Variants in TTC23L observed in about 807,000 individuals in gnomAD.
TTC23L encodes tetratricopeptide repeat domain 23 like.
A neutral mutation model predicts 48.1 loss-of-function variants in TTC23L; 42 were observed. The observed-to-expected ratio is 0.87, with a 90% confidence interval of 0.68 to 1.13. The LOEUF (loss-of-function observed/expected upper bound fraction) is 1.13. Ranked by LOEUF, TTC23L falls within the 50% of genes most tolerant of loss-of-function variation. The pLI is 0.00. For synonymous variants in TTC23L, 159 were observed against 157.2 expected (o/e 1.01, Z -0.09); for missense variants, 391 against 421.0 (o/e 0.93, Z 0.62).
At chr5:34,920,897 C>G in the TTC23L span, 2 of 151,856 alleles carry the variant, frequency 1.3e-5, no homozygotes, top group South Asian at 4.1e-4. Flanking sequence ...AAAAGTCTCT[C>G]TCTGTTACCC....
chr5:34,894,881 TTAATGATGA>T (rs1364881778), intron 9 of TTC23L, among the ~76,000 whole-genome samples: 5 of 122,336 alleles, frequency 4.1e-5, no homozygotes, highest in South Asian at 2.8e-4. Flanking sequence ...GATGAGAGTG[TTAATGATGA>T]TGATGATGAT....
intron 9 of TTC23L, among the ~76,000 whole-genome samples, chr5:34,886,706 T>C (rs768831331): frequency 3.3e-5 from 5 of 152,212 alleles, no homozygotes; most frequent in Non-Finnish European, 7.3e-5. Context: ...GTGTTATCTT[T>C]TGAAAATTGT....
At chr5:34,840,711 G>A (rs1375208386) in exon 2 of TTC23L, 2 of 1,613,908 alleles carry the variant, frequency 1.2e-6, no homozygotes, top group Non-Finnish European at 1.7e-6. Flanking sequence ...TGTTAGCAAT[G>A]ACATCGACTG....
the TTC23L span, chr5:34,911,737 ACTC>A: frequency 6.2e-7 from 1 of 1,613,992 alleles, no homozygotes; most frequent in Non-Finnish European, 8.5e-7. Flanking sequence ...GACTGTCACC[ACTC>A]CTCCTTCTTC....
intron 2 of TTC23L, 148 bp from the exon 3 acceptor site, chr5:34,845,339 G>T (rs534275737): frequency 2.6e-6 from 2 of 765,636 alleles, no homozygotes; most frequent in Admixed American, 3.0e-5. Context: ...TGAGGGCGAC[G>T]TGAGTTTACT....
chr5:34,903,068 T>C (rs1010872307), downstream of TTC23L, among the ~76,000 whole-genome samples: 5 of 152,122 alleles, frequency 3.3e-5, no homozygotes, highest in Non-Finnish European at 7.3e-5. Context: ...ATCTCCAAAC[T>C]GACAAACCTA....
chr5:34,902,243 G>A (rs1457814415), downstream of TTC23L, among the ~76,000 whole-genome samples: 3 of 151,844 alleles, frequency 2.0e-5, no homozygotes, highest in Non-Finnish European at 4.4e-5. Flanking sequence ...TGGCCAACAC[G>A]GCTCTCTACC....
the TTC23L span, chr5:34,914,887 G>A: frequency 9.5e-5 from 154 of 1,614,076 alleles, no homozygotes; most frequent in East Asian, 2.7e-3. Flanking sequence ...GGGTCAGAAG[G>A]GGCATCGTCC....
At chr5:34,922,956 C>T in the TTC23L span, 1 of 1,344,908 alleles carries the variant, frequency 7.4e-7, no homozygotes, top group South Asian at 1.2e-5. Flanking sequence ...CAGTTTTAAA[C>T]AAGGCAGTCT....
chr5:34,922,605 A>C, the TTC23L span: 1 of 1,601,034 alleles, frequency 6.2e-7, no homozygotes, highest in Non-Finnish European at 8.6e-7. Flanking sequence ...TGACTCAATA[A>C]ATTTTTTTAG....
At position 34,840,659 on chromosome 5, in the gene TTC23L, T is replaced by C. The variant is rs1758571597; in HGVS notation, c.-7-6T>C. The stretch of plus-strand genomic sequence containing the variant: ...CTCAAAGCTGACCTTACCTGATTCT[T>C]GGTAGGAAGAAGATGCAAGCCAGCC... On this transcript the variant is annotated splice_region_variant and splice_polypyrimidine_tract_variant and intron_variant, in intron 1 of 10. Coordinates refer to ENST00000505624, the Ensembl canonical transcript of TTC23L. 1 of 1,613,612 alleles carries C rather than the reference T, an allele frequency of 6.2e-7. No homozygotes were observed. Among genetic ancestry groups the C allele is most frequent in the Non-Finnish European group, 8.5e-7 (1 of 1,179,560 alleles).
At chr5:34,892,795 C>G (rs1762955066) in intron 9 of TTC23L, among the ~76,000 whole-genome samples, 1 of 152,032 alleles carries the variant, frequency 6.6e-6, no homozygotes, top group Non-Finnish European at 1.5e-5. Flanking sequence ...AAGCAAGTGG[C>G]CTCGAGTGGT....
At chr5:34,842,219 A>T (rs1240319835) in intron 2 of TTC23L, among the ~76,000 whole-genome samples, 2 of 152,226 alleles carry the variant, frequency 1.3e-5, no homozygotes, top group Non-Finnish European at 2.9e-5. Flanking sequence ...TATTAATGAA[A>T]TATTTTATCT....
intron 8 of TTC23L, among the ~76,000 whole-genome samples, chr5:34,876,021 A>G (rs1320485793): frequency 1.3e-5 from 2 of 152,200 alleles, no homozygotes; most frequent in Non-Finnish European, 1.5e-5. Context: ...ATTAAACAAC[A>G]CATATCTAAA....
chr5:34,902,457 C>T (rs1260218942), downstream of TTC23L: 1 of 329,872 alleles, frequency 3.0e-6, no homozygotes, highest in Non-Finnish European at 6.2e-6. Flanking sequence ...GACCCTGTGT[C>T]TTTGGGGATC....
At chr5:34,894,496 T>C (rs1394953668) in intron 9 of TTC23L, among the ~76,000 whole-genome samples, 2 of 152,206 alleles carry the variant, frequency 1.3e-5, no homozygotes, top group African/African-American at 4.8e-5. Flanking sequence ...AGGACAGTAA[T>C]TATCTCTAGG....
chr5:34,912,032 T>A, the TTC23L span, among the ~76,000 whole-genome samples: 3 of 152,210 alleles, frequency 2.0e-5, no homozygotes, highest in African/African-American at 4.8e-5. Context: ...AAATGTAACA[T>A]AATTCTTTGG....
At chr5:34,841,312 A>C (rs548159018) in intron 2 of TTC23L, among the ~76,000 whole-genome samples, 21 of 152,334 alleles carry the variant, frequency 1.4e-4, no homozygotes, top group Non-Finnish European at 2.5e-4. Flanking sequence ...ATACTTATTG[A>C]GCACATACTA....
chr5:34,863,169 C>A lies in TTC23L; in HGVS notation c.536+115C>A. 7.5e-7 allele frequency: 1 copy of A among 1,337,960 alleles called. No homozygotes were observed. Among genetic ancestry groups the A allele is most frequent in the Non-Finnish European group, 1.0e-6 (1 of 964,632 alleles). 82.9% of individuals were successfully genotyped at this position (1,337,960 alleles called of 1,614,324 possible). A position where few individuals can be genotyped will look rare whatever the true frequency, so the allele number is the denominator to read the frequency against. On this transcript the variant is annotated intron_variant, in intron 5 of 10. Transcript: ENST00000505624. The surrounding 1 kb of genome is among the most constrained non-coding windows in gnomAD (Gnocchi z 4.1). ...GAACCAAGGCCTTGTAGATCTGTTC[C>A]AACATCAAGGCCCTCCATGAGCCTC...
Sources: gnomAD v4.1 joint callset for allele counts (sites outside exome capture counted in the v4.1 genomes callset) on GRCh38, gnomAD v4.1.1 for gene constraint, Gnocchi (gnomAD v3.1) non-coding constraint, MANE v1.5 for transcripts, NCBI Gene and HGNC (gene_info 2026-07-23, HGNC 2026-07-21) for gene names.